FBXW7: variants seen among roughly 807,000 people sequenced by gnomAD.
FBXW7 encodes F-box/WD repeat-containing protein 7.
In FBXW7, 11 loss-of-function variants were observed where a neutral mutation model predicts 86.3. The observed-to-expected ratio is 0.13, with a 90% CI of 0.08 to 0.21. The LOEUF (loss-of-function observed/expected upper bound fraction) is 0.21. FBXW7 is among the 10% of genes least tolerant of loss of function. The pLI is 1.00. For missense variants in FBXW7, 488 were observed against 847.4 expected (o/e 0.58, Z 5.27); for synonymous variants, 313 against 297.9 (o/e 1.05, Z -0.52).
chr4:152,485,655 T>G lies in FBXW7; in HGVS notation c.-120+49286A>C, dbSNP rs77936366. Reference sequence around the variant, plus strand: ...ATGACACCCAGTAATGCATCCATGATGTTGGCTTCCAAATACCATTCCCCA... The same window carrying G: ...ATGACACCCAGTAATGCATCCATGAGGTTGGCTTCCAAATACCATTCCCCA... On this transcript the variant is annotated intron_variant, in intron 2 of 13. Transcript: ENST00000281708. Among the ~76,000 whole-genome samples the G allele has an allele frequency of 5.2e-3, 792 of 152,294 alleles. 6 individuals are homozygous for G. The highest frequency in any genetic ancestry group is 0.018 in the African/African-American group (739 of 41,568).
At chr4:152,397,695 CAAAAAAAAA>C (rs397995836) in intron 4 of FBXW7, among the ~76,000 whole-genome samples, 17 of 60,406 alleles carry the variant, frequency 2.8e-4, no homozygotes, top group South Asian at 6.4e-4. Context: ...CCTAAGAAGC[CAAAAAAAAA>C]AAAAAAAAAA....
chr4:152,479,467 A>G (rs956268150), intron 2 of FBXW7, among the ~76,000 whole-genome samples: 3 of 152,124 alleles, frequency 2.0e-5, no homozygotes, highest in African/African-American at 7.2e-5. Flanking sequence ...GTCCTAGAAT[A>G]GTCTCTCGCA....
intron 4 of FBXW7, among the ~76,000 whole-genome samples, chr4:152,373,194 C>G (rs554130524): frequency 8.5e-5 from 13 of 152,118 alleles, no homozygotes; most frequent in African/African-American, 2.6e-4. Flanking sequence ...GGGGCAAGAA[C>G]CTTCCTATGC....
chr4:152,430,310 G>C (rs1330644648), intron 2 of FBXW7, among the ~76,000 whole-genome samples: 1 of 152,142 alleles, frequency 6.6e-6, no homozygotes, highest in African/African-American at 2.4e-5. Context: ...TTGAAAGTGA[G>C]GGTGTTTTGA....
chr4:152,347,515 T>C (rs1731387662), intron 5 of FBXW7, among the ~76,000 whole-genome samples: 2 of 152,160 alleles, frequency 1.3e-5, no homozygotes, highest in Admixed American at 6.6e-5. Context: ...AAATACTATG[T>C]TCAAATGTTT....
At chr4:152,382,197 G>C in intron 4 of FBXW7, 2 of 1,547,446 alleles carry the variant, frequency 1.3e-6, no homozygotes, top group South Asian at 1.3e-5. Flanking sequence ...ACCCGTCTTC[G>C]ACAAAAAGGG....
intron 4 of FBXW7, among the ~76,000 whole-genome samples, chr4:152,398,772 C>G (rs760990972): frequency 1.9e-4 from 29 of 151,966 alleles, no homozygotes; most frequent in African/African-American, 6.7e-4. Context: ...AATTATGTCT[C>G]TCAGAAGAGA....
At chr4:152,421,836 A>C (rs1738974548) in intron 2 of FBXW7, among the ~76,000 whole-genome samples, 1 of 152,198 alleles carries the variant, frequency 6.6e-6, no homozygotes, top group Non-Finnish European at 1.5e-5. Flanking sequence ...CAGAATACAT[A>C]CAACATTTAT....
chr4:152,396,056 T>C (rs1336760367), intron 4 of FBXW7, among the ~76,000 whole-genome samples: 1 of 152,028 alleles, frequency 6.6e-6, no homozygotes, highest in Non-Finnish European at 1.5e-5. Context: ...ATTTCATTCA[T>C]ATCAATTAAC....
At chr4:152,400,201 C>T (rs902554097) in intron 4 of FBXW7, among the ~76,000 whole-genome samples, 1 of 152,076 alleles carries the variant, frequency 6.6e-6, no homozygotes, top group Non-Finnish European at 1.5e-5. Context: ...TAGTCTTTTC[C>T]GCAAATGGTG....
intron 2 of FBXW7, among the ~76,000 whole-genome samples, chr4:152,478,514 G>T (rs144871204): frequency 6.6e-6 from 1 of 152,180 alleles, no homozygotes; most frequent in African/African-American, 2.4e-5. Flanking sequence ...GAGTAATGCT[G>T]CTATGAACAC....
chr4:152,390,920 T>C (rs75940252), intron 4 of FBXW7, among the ~76,000 whole-genome samples: 4,661 of 152,034 alleles, frequency 0.031, 119 homozygotes, highest in African/African-American at 0.062. Flanking sequence ...ATTGACAGTT[T>C]GACAAATTAT....
intron 4 of FBXW7, among the ~76,000 whole-genome samples, chr4:152,390,732 C>G (rs1311186504): frequency 6.6e-6 from 1 of 151,970 alleles, no homozygotes; most frequent in Non-Finnish European, 1.5e-5. Flanking sequence ...CCAATAATAT[C>G]TTTCTCTTAT....
intron 2 of FBXW7, among the ~76,000 whole-genome samples, chr4:152,510,165 C>A (rs994874459): frequency 6.6e-6 from 1 of 152,206 alleles, no homozygotes; most frequent in African/African-American, 2.4e-5. Flanking sequence ...CAGTAAATTA[C>A]AACACATCTC....
chr4:152,487,407 A>G (rs1745438344), intron 2 of FBXW7, among the ~76,000 whole-genome samples: 2 of 152,144 alleles, frequency 1.3e-5, no homozygotes, highest in Admixed American at 6.6e-5. Context: ...ACAAACTTTA[A>G]GTACATACAA....
chr4:152,478,749 C>G (rs915992191), intron 2 of FBXW7, among the ~76,000 whole-genome samples: 1 of 151,994 alleles, frequency 6.6e-6, no homozygotes, highest in Non-Finnish European at 1.5e-5. Flanking sequence ...TGTGTCTTTG[C>G]TAATAGCCAA....
At chr4:152,455,388 C>G (rs1742311453) in intron 2 of FBXW7, among the ~76,000 whole-genome samples, 1 of 152,130 alleles carries the variant, frequency 6.6e-6, no homozygotes, top group South Asian at 2.1e-4. Context: ...CACTCACAAG[C>G]AGCAGCACCT....
At chr4:152,339,288 T>C (rs1286421856) in intron 6 of FBXW7, among the ~76,000 whole-genome samples, 1 of 152,228 alleles carries the variant, frequency 6.6e-6, no homozygotes, top group Non-Finnish European at 1.5e-5. Context: ...GGTCAGGGGA[T>C]TTATTATACA....
At chr4:152,405,368 G>C (rs1285476182) in intron 4 of FBXW7, among the ~76,000 whole-genome samples, 1 of 152,090 alleles carries the variant, frequency 6.6e-6, no homozygotes, top group East Asian at 1.9e-4. Flanking sequence ...AGGGGATTTG[G>C]ACTTCGATTT....
Sources: allele counts gnomAD v4.1 joint callset (sites outside exome capture counted in the v4.1 genomes callset), GRCh38; gene constraint gnomAD v4.1.1; transcripts MANE v1.5; gene names NCBI Gene and HGNC (gene_info 2026-07-23, HGNC 2026-07-21).